The following STK32B variants were observed in gnomAD, a reference collection of about 807,000 sequenced individuals.
STK32B encodes the protein serine/threonine kinase 32B, also known as serine/threonine-protein kinase 32B.
In STK32B, 43 loss-of-function variants were observed where a neutral mutation model predicts 52.6. The observed-to-expected ratio is 0.82, with a 90% CI of 0.64 to 1.05. The LOEUF (loss-of-function observed/expected upper bound fraction) is 1.05, where lower values mean the gene tolerates loss of function less well. Ranked by LOEUF, STK32B falls within the 50% of genes least tolerant of loss-of-function variation. The pLI, the probability that STK32B is intolerant of heterozygous loss-of-function variation, is 0.00. For synonymous variants in STK32B, 238 were observed against 204.3 expected, an observed-to-expected ratio of 1.17 and a Z score of -1.41; for missense variants, 621 against 534.6, an observed-to-expected ratio of 1.16 and a Z score of -1.59.
intron 6 of STK32B, among the ~76,000 whole-genome samples, chr4:5,430,621 T>C (rs1392022881): frequency 6.6e-6 from 1 of 152,228 alleles, no homozygotes; most frequent in African/African-American, 2.4e-5. Context: ...TAATTTTTTA[T>C]TAAAATCTTT....
At chr4:5,365,128 G>A (rs1010684705) in intron 4 of STK32B, among the ~76,000 whole-genome samples, 4 of 151,998 alleles carry the variant, frequency 2.6e-5, no homozygotes, top group Admixed American at 6.6e-5. Context: ...CACCCACCTC[G>A]GCCCCCCCAA....
chr4:5,249,572 A>G (rs973128350), intron 3 of STK32B, among the ~76,000 whole-genome samples: 21 of 151,568 alleles, frequency 1.4e-4, no homozygotes, highest in African/African-American at 4.8e-4. Context: ...AAGCATATGC[A>G]AGGGTTAGCA....
At chr4:5,195,050 G>T (rs541898920) in intron 3 of STK32B, among the ~76,000 whole-genome samples, 1 of 152,088 alleles carries the variant, frequency 6.6e-6, no homozygotes, top group Non-Finnish European at 1.5e-5. Flanking sequence ...CCATATCAAA[G>T]TGTGTGGTTT....
intron 6 of STK32B, among the ~76,000 whole-genome samples, chr4:5,430,910 C>A (rs1713522528): frequency 6.6e-6 from 1 of 152,186 alleles, no homozygotes; most frequent in South Asian, 2.1e-4. Flanking sequence ...CTCTGTGCTC[C>A]TGTTCTCTAG....
intron 3 of STK32B, among the ~76,000 whole-genome samples, chr4:5,276,141 T>G (rs1355053054): frequency 1.3e-5 from 2 of 151,758 alleles, no homozygotes; most frequent in Non-Finnish European, 2.9e-5. Flanking sequence ...ACACAAAAAT[T>G]AGTCAGGCGT....
chr4:5,350,163 C>A (rs1490052490), intron 4 of STK32B, among the ~76,000 whole-genome samples: 1 of 152,078 alleles, frequency 6.6e-6, no homozygotes, highest in Non-Finnish European at 1.5e-5. Flanking sequence ...TACTCCATGG[C>A]ACATTCTAGT....
intron 1 of STK32B, among the ~76,000 whole-genome samples, chr4:5,087,489 T>G (rs1560144399): frequency 6.6e-6 from 1 of 151,912 alleles, no homozygotes; most frequent in Non-Finnish European, 1.5e-5. Flanking sequence ...ACTCTCCAAT[T>G]AAAAGATAGA....
At chr4:5,336,880 A>T (rs1199417433) in intron 4 of STK32B, among the ~76,000 whole-genome samples, 1 of 152,220 alleles carries the variant, frequency 6.6e-6, no homozygotes, top group African/African-American at 2.4e-5. Flanking sequence ...AGAAACAGAC[A>T]CATACCAAAA....
At chr4:5,352,944 T>C (rs1315352376) in intron 4 of STK32B, among the ~76,000 whole-genome samples, 1 of 152,026 alleles carries the variant, frequency 6.6e-6, no homozygotes, top group Non-Finnish European at 1.5e-5. Context: ...AGAGCCCAAA[T>C]AGCCAACGCA....
At chr4:5,204,605 G>A (rs1722426122) in intron 3 of STK32B, among the ~76,000 whole-genome samples, 1 of 152,010 alleles carries the variant, frequency 6.6e-6, no homozygotes, top group Non-Finnish European at 1.5e-5. Flanking sequence ...GAGTAGCTGG[G>A]ACTACAGGTG....
In STK32B at chr4:5,399,821, G is replaced by A. The variant is rs564838206; in HGVS notation, c.472+1577G>A. Among the ~76,000 whole-genome samples the A allele has an allele frequency of 2.6e-5, 4 of 152,234 alleles. No homozygotes were observed. Among genetic ancestry groups the A allele is most frequent in the African/African-American group, 9.6e-5 (4 of 41,548 alleles). ...CACCCATCACAGTATGCAAGCGCTC[G>A]GGAAGGGGTAGATAACTCGCCCTCT... On this transcript the variant is annotated intron_variant, in intron 5 of 11. Coordinates refer to ENST00000282908, the MANE Select transcript of STK32B (RefSeq NM_018401.3). This position sits in a 1 kb window ranked among gnomAD's most constrained non-coding sequence, Gnocchi z 5.4.
At chr4:5,415,541 C>A (rs1461325441) in intron 5 of STK32B, among the ~76,000 whole-genome samples, 1 of 152,184 alleles carries the variant, frequency 6.6e-6, no homozygotes, top group African/African-American at 2.4e-5. Flanking sequence ...GCTAAAGTAG[C>A]CTGGGTATGT....
intron 1 of STK32B, among the ~76,000 whole-genome samples, chr4:5,065,107 G>A (rs10937618): frequency 0.51 from 77,663 of 151,596 alleles, 21,568 homozygotes; most frequent in Middle Eastern, 0.64. Flanking sequence ...CTATCTCCCT[G>A]GGTGATCTTG....
chr4:5,246,558 C>T (rs186295404), intron 3 of STK32B, among the ~76,000 whole-genome samples: 1 of 152,306 alleles, frequency 6.6e-6, no homozygotes, highest in African/African-American at 2.4e-5. Context: ...CTTCTGCAGC[C>T]TTCCTCTCTC....
In STK32B at chr4:5,314,666, G is replaced by A. The variant is rs910745976; in HGVS notation, c.261-16554G>A. 2.0e-4 allele frequency among the ~76,000 whole-genome samples: 31 copies of A among 152,028 alleles called. 1 individual carries two copies. The highest frequency in any genetic ancestry group is 4.1e-4 in the South Asian group (2 of 4,824). On this transcript the variant is annotated intron_variant, in intron 3 of 11. Transcript: ENST00000282908. The stretch of plus-strand genomic sequence containing the variant: ...GCCTGGGTGATAAGAGCAAGACTCC[G>A]TCTTAAACAAAAACTCAAAATGGAT...
At chr4:5,038,881 T>G in the STK32B span, among the ~76,000 whole-genome samples, 7 of 152,144 alleles carry the variant, frequency 4.6e-5, no homozygotes, top group South Asian at 4.1e-4. Context: ...TTACTATAAC[T>G]TTTTTTACTT....
chr4:5,124,617 C>G (rs559555245), intron 1 of STK32B, among the ~76,000 whole-genome samples: 18 of 152,274 alleles, frequency 1.2e-4, no homozygotes, highest in African/African-American at 3.9e-4. Context: ...TAAAGGGTCT[C>G]AATGAGGCTT....
intron 3 of STK32B, among the ~76,000 whole-genome samples, chr4:5,233,910 T>C (rs1384530461): frequency 6.6e-6 from 1 of 151,952 alleles, no homozygotes; most frequent in Admixed American, 6.6e-5. Flanking sequence ...GAGCAATACC[T>C]GGAAATGAGA....
chr4:5,116,122 A>G (rs1193881100), intron 1 of STK32B, among the ~76,000 whole-genome samples: 11 of 152,058 alleles, frequency 7.2e-5, no homozygotes, highest in Non-Finnish European at 8.8e-5. Flanking sequence ...TATTGACTCT[A>G]TTAAACACTG....
Sources: gnomAD v4.1 joint callset for allele counts (sites outside exome capture counted in the v4.1 genomes callset) on GRCh38, gnomAD v4.1.1 for gene constraint, Gnocchi (gnomAD v3.1) non-coding constraint, MANE v1.5 for transcripts, NCBI Gene and HGNC (gene_info 2026-07-23, HGNC 2026-07-21) for gene names.